NRXN3: variants seen among roughly 807,000 people sequenced by gnomAD.
NRXN3 encodes neurexin III.
NRXN3 carries 32 observed loss-of-function variants against 137.6 expected under a neutral mutation model. The ratio of observed to expected loss-of-function variants is 0.23; its 90% CI spans 0.18 to 0.31. The LOEUF (loss-of-function observed/expected upper bound fraction) is 0.31. NRXN3 is among the 10% of genes least tolerant of loss of function. NRXN3 has a pLI of 1.00. For missense variants in NRXN3, 1,574 were observed against 2,062.5 expected, an observed-to-expected ratio of 0.76 and a Z score of 4.59; for synonymous variants, 798 against 784.5, an observed-to-expected ratio of 1.02 and a Z score of -0.29.
chr14:78,763,851 A>G (rs1011960018), intron 8 of NRXN3, among the ~76,000 whole-genome samples: 5 of 152,176 alleles, frequency 3.3e-5, no homozygotes, highest in East Asian at 1.9e-4. Flanking sequence ...TGCTGTCACA[A>G]GGGTGATTTA....
chr14:79,679,732 G>A (rs1469048685), intron 17 of NRXN3, among the ~76,000 whole-genome samples: 1 of 152,162 alleles, frequency 6.6e-6, no homozygotes, highest in Non-Finnish European at 1.5e-5. Flanking sequence ...TCAATACAGA[G>A]TAGCGGAATC....
chr14:79,856,384 G>A (rs2099402591), intron 20 of NRXN3, among the ~76,000 whole-genome samples: 1 of 152,110 alleles, frequency 6.6e-6, no homozygotes, highest in African/African-American at 2.4e-5. Context: ...TTCTTGGGGG[G>A]AAAAGAATTA....
chr14:79,169,005 A>C (rs1596734447), intron 15 of NRXN3, among the ~76,000 whole-genome samples: 1 of 152,042 alleles, frequency 6.6e-6, no homozygotes, highest in East Asian at 1.9e-4. Context: ...AGAATATGTG[A>C]TTATCAGTTG....
intron 15 of NRXN3, among the ~76,000 whole-genome samples, chr14:79,322,034 G>A (rs1188876999): frequency 6.6e-6 from 1 of 151,850 alleles, no homozygotes; most frequent in East Asian, 1.9e-4. Flanking sequence ...AGTAGTTCAA[G>A]ATCAGCCTGG....
intron 15 of NRXN3, among the ~76,000 whole-genome samples, chr14:79,227,783 T>TTCCTTCCC (rs1568684499): frequency 1.7e-4 from 15 of 88,354 alleles, no homozygotes; most frequent in African/African-American, 6.2e-4. Context: ...CCTTCCTTCC[T>TTCCTTCCC]TCCCTCCTCC....
At chr14:79,459,193 C>G (rs2096294651) in intron 15 of NRXN3, among the ~76,000 whole-genome samples, 1 of 152,106 alleles carries the variant, frequency 6.6e-6, no homozygotes, top group Non-Finnish European at 1.5e-5. Flanking sequence ...CTTCCCTCAT[C>G]TTTAAAACCA....
chr14:78,588,342 A>G (rs371603868), intron 4 of NRXN3, among the ~76,000 whole-genome samples: 2 of 152,238 alleles, frequency 1.3e-5, no homozygotes, highest in African/African-American at 4.8e-5. Context: ...ACATTTTCCT[A>G]GGTGATACAG....
At chr14:78,525,546 A>G (rs1025026471) in intron 4 of NRXN3, among the ~76,000 whole-genome samples, 7 of 152,170 alleles carry the variant, frequency 4.6e-5, no homozygotes, top group Non-Finnish European at 8.8e-5. Context: ...ACTGCCTCCT[A>G]TGGGGAATAA....
At chr14:78,448,627 G>C (rs775941694) in intron 4 of NRXN3, among the ~76,000 whole-genome samples, 34 of 152,154 alleles carry the variant, frequency 2.2e-4, no homozygotes, top group Non-Finnish European at 4.4e-4. Flanking sequence ...CACGGACACC[G>C]GATGTTGTGC....
chr14:79,193,675 C>T (rs2064734540), intron 15 of NRXN3, among the ~76,000 whole-genome samples: 1 of 152,162 alleles, frequency 6.6e-6, no homozygotes, highest in Non-Finnish European at 1.5e-5. Context: ...TCTGCTTAAA[C>T]TCTCATTTCA....
intron 8 of NRXN3, among the ~76,000 whole-genome samples, chr14:78,759,470 TA>T (rs1380427340): frequency 6.6e-6 from 1 of 152,124 alleles, no homozygotes; most frequent in Non-Finnish European, 1.5e-5. Flanking sequence ...AGCAGAGGAG[TA>T]AATATTTTGA....
chr14:78,360,691 T>C (rs1392113238), intron 4 of NRXN3, among the ~76,000 whole-genome samples: 1 of 152,170 alleles, frequency 6.6e-6, no homozygotes, highest in Non-Finnish European at 1.5e-5. Context: ...TCAAGAAAAA[T>C]TAGCTTTTAA....
chr14:78,253,511 A>G (rs536801446), intron 2 of NRXN3, among the ~76,000 whole-genome samples: 18 of 152,160 alleles, frequency 1.2e-4, no homozygotes, highest in Non-Finnish European at 2.1e-4. Flanking sequence ...TCATCTGTAC[A>G]AATAATTAAA....
At chr14:79,045,065 C>T (rs1285055340) in intron 15 of NRXN3, among the ~76,000 whole-genome samples, 1 of 152,104 alleles carries the variant, frequency 6.6e-6, no homozygotes, top group Non-Finnish European at 1.5e-5. Flanking sequence ...TTTCTCTTGG[C>T]CAGAGTTTAT....
At chr14:78,836,886 TTCTTGCTGCA>T (rs1417090560) in intron 10 of NRXN3, among the ~76,000 whole-genome samples, 1 of 152,152 alleles carries the variant, frequency 6.6e-6, no homozygotes, top group African/African-American at 2.4e-5. Flanking sequence ...GTCAGCCATT[TTCTTGCTGCA>T]AGCCGGAGAA....
At chr14:78,701,852 T>C (rs891766438) in intron 6 of NRXN3, among the ~76,000 whole-genome samples, 2 of 152,248 alleles carry the variant, frequency 1.3e-5, no homozygotes, top group Admixed American at 6.5e-5. Flanking sequence ...CAGTTTTCTA[T>C]TTTTGGTGCT....
At chr14:79,731,720 G>A (rs527583485) in intron 19 of NRXN3, among the ~76,000 whole-genome samples, 2 of 150,358 alleles carry the variant, frequency 1.3e-5, no homozygotes, top group South Asian at 2.1e-4. Flanking sequence ...ACCTGACCTC[G>A]TGATCCACCT....
rs189536075 is a variant in NRXN3 at position 79,545,558 on chromosome 14, G to T, written c.3444+78156G>T. Among the ~76,000 whole-genome samples, 391 of 151,986 alleles carry T rather than the reference G, an allele frequency of 2.6e-3. 2 individuals carry two copies. Among genetic ancestry groups the T allele is most frequent in the Admixed American group, 3.4e-3 (52 of 15,248 alleles). On this transcript the variant is annotated intron_variant, in intron 16 of 20. Coordinates refer to ENST00000335750, the MANE Select transcript of NRXN3 (RefSeq NM_001330195.2). Reference sequence around the variant, plus strand: ...CTGATTAGCAAATTTATTCCCCTGTGCTATAGAAGGTACCATATTCACATG... The same window carrying T: ...CTGATTAGCAAATTTATTCCCCTGTTCTATAGAAGGTACCATATTCACATG...
At chr14:79,488,397 A>C (rs897796706) in intron 16 of NRXN3, among the ~76,000 whole-genome samples, 9 of 152,180 alleles carry the variant, frequency 5.9e-5, no homozygotes, top group African/African-American at 1.9e-4. Context: ...TTCTTCTTCC[A>C]AGGTAGTAGG....
Sources: gnomAD v4.1 joint callset for allele counts (sites outside exome capture counted in the v4.1 genomes callset) on GRCh38, gnomAD v4.1.1 for gene constraint, MANE v1.5 for transcripts, NCBI Gene and HGNC (gene_info 2026-07-23, HGNC 2026-07-21) for gene names.